The following CSMD3 variants were observed in gnomAD, a reference collection of about 807,000 sequenced individuals.
CSMD3 encodes the protein CUB and sushi domain-containing protein 3.
In CSMD3, 177 loss-of-function variants were observed where a neutral mutation model predicts 435.2. That is an observed-to-expected ratio of 0.41 (90% confidence interval 0.36 to 0.46). The LOEUF is 0.46. CSMD3 is among the 20% of genes least tolerant of loss of function. CSMD3 has a pLI of 0.34. For synonymous variants in CSMD3, 1,656 were observed against 1,520.5 expected, an observed-to-expected ratio of 1.09 and a Z score of -2.07; for missense variants, 4,265 against 4,504.6, an observed-to-expected ratio of 0.95 and a Z score of 1.52.
In CSMD3 at chr8:112,506,621, T is replaced by C. The variant is rs1227030788; in HGVS notation, c.4895+70A>G. The C allele has an allele frequency of 4.1e-6, 6 of 1,461,164 alleles. No homozygotes were observed. The Admixed American group carries it at 8.4e-5, about 20-fold the overall frequency. The allele number at this position is 1,461,164 out of a possible 1,614,324, so 90.5% of individuals were successfully genotyped here. A position where few individuals can be genotyped will look rare whatever the true frequency, so the allele number is the denominator to read the frequency against. On this transcript the variant is annotated intron_variant, in intron 29 of 70. Coordinates refer to ENST00000297405, the MANE Select transcript of CSMD3 (RefSeq NM_198123.2). ...TATACAGAAATAGGAATTAGTCTAGTACAAATGCTAAAGCAAAATGGCCTA... is the reference window on the plus strand; with the variant it reads ...TATACAGAAATAGGAATTAGTCTAGCACAAATGCTAAAGCAAAATGGCCTA...
intron 51 of CSMD3, among the ~76,000 whole-genome samples, chr8:112,305,318 C>T (rs991174809): frequency 3.3e-5 from 5 of 151,976 alleles, no homozygotes; most frequent in African/African-American, 1.2e-4. Flanking sequence ...TAAGTAGAAG[C>T]CTTATTAGAA....
chr8:112,912,414 C>T (rs1038639339), intron 10 of CSMD3, among the ~76,000 whole-genome samples: 4 of 151,564 alleles, frequency 2.6e-5, no homozygotes, highest in South Asian at 2.1e-4. Context: ...CATATCCTCA[C>T]CAATACTTAA....
chr8:112,332,214 T>C (rs1379431033), intron 45 of CSMD3, among the ~76,000 whole-genome samples: 1 of 152,136 alleles, frequency 6.6e-6, no homozygotes, highest in African/African-American at 2.4e-5. Flanking sequence ...ATACACCATA[T>C]TGTAATTAAG....
intron 2 of CSMD3, among the ~76,000 whole-genome samples, chr8:113,288,557 G>A (rs774719442): frequency 2.0e-5 from 3 of 151,714 alleles, no homozygotes; most frequent in African/African-American, 4.8e-5. Flanking sequence ...GGTTATACAT[G>A]ACTGTAATTC....
At chr8:112,587,027 A>G in intron 23 of CSMD3, 39 bp downstream of exon 23, 1 of 1,471,174 alleles carries the variant, frequency 6.8e-7, no homozygotes, top group Non-Finnish European at 9.5e-7. Context: ...TTTAATGACT[A>G]AAAATGAACA....
intron 5 of CSMD3, among the ~76,000 whole-genome samples, chr8:113,047,197 T>C (rs2131310923): frequency 6.6e-6 from 1 of 152,300 alleles, no homozygotes; most frequent in African/African-American, 2.4e-5. Flanking sequence ...CACTTACCAC[T>C]TTCTAATAGT....
intron 4 of CSMD3, among the ~76,000 whole-genome samples, chr8:113,160,227 C>A (rs2092013021): frequency 6.6e-6 from 1 of 151,746 alleles, no homozygotes; most frequent in Non-Finnish European, 1.5e-5. Context: ...AGTCATAATT[C>A]ATATTATAAT....
chr8:113,120,382 T>G (rs1448853740), intron 4 of CSMD3, among the ~76,000 whole-genome samples: 1 of 152,194 alleles, frequency 6.6e-6, no homozygotes, highest in East Asian at 1.9e-4. Flanking sequence ...AATGATAGAT[T>G]TATATGCATG....
intron 10 of CSMD3, among the ~76,000 whole-genome samples, chr8:112,881,402 T>A (rs1389635734): frequency 3.9e-5 from 6 of 152,094 alleles, no homozygotes; most frequent in African/African-American, 1.4e-4. Context: ...CAGCATTTTT[T>A]AAAGACATTA....
intron 70 of CSMD3, among the ~76,000 whole-genome samples, chr8:112,225,356 T>A (rs895712881): frequency 2.0e-5 from 3 of 152,100 alleles, no homozygotes; most frequent in Non-Finnish European, 2.9e-5. Context: ...ATCATTTTTT[T>A]AAAAAAAGAC....
chr8:112,863,059 A>AT (rs2080870729), intron 10 of CSMD3, among the ~76,000 whole-genome samples: 1 of 151,462 alleles, frequency 6.6e-6, no homozygotes, highest in Admixed American at 6.6e-5. Flanking sequence ...CCTCATTTCA[A>AT]TTTTTTCTTG....
chr8:113,379,754 A>G (rs1018472162), intron 1 of CSMD3, among the ~76,000 whole-genome samples: 3 of 152,168 alleles, frequency 2.0e-5, no homozygotes, highest in Non-Finnish European at 2.9e-5. Context: ...CAAAGTTGAG[A>G]TTTATTTTAT....
In CSMD3 at chr8:112,703,042, A is replaced by G. The variant is rs188641257; in HGVS notation, c.1973-12992T>C. ...TTGAAATATCAATTAAACACACAAA[A>G]AATTTAGCTAGCATCCTACTGGTAC... On this transcript the variant is annotated intron_variant, in intron 13 of 70. Transcript: ENST00000297405. Among the ~76,000 whole-genome samples the G allele has an allele frequency of 1.1e-3, 170 of 152,294 alleles. 1 individual carries two copies. Among genetic ancestry groups the G allele is most frequent in the Non-Finnish European group, 1.8e-3 (122 of 68,026 alleles).
At chr8:113,041,942 T>G (rs1263227642) in intron 5 of CSMD3, among the ~76,000 whole-genome samples, 1 of 152,198 alleles carries the variant, frequency 6.6e-6, no homozygotes, top group East Asian at 1.9e-4. Context: ...CAGTACCATT[T>G]GAAATACTCT....
At chr8:112,506,978 T>G in intron 28 of CSMD3, 149 bp from the exon 29 acceptor site, 1 of 698,012 alleles carries the variant, frequency 1.4e-6, no homozygotes, top group Non-Finnish European at 2.5e-6. Context: ...TACAGCATTA[T>G]GTTTCAAGAA....
chr8:113,376,730 A>C, intron 1 of CSMD3: 1 of 1,613,918 alleles, frequency 6.2e-7, no homozygotes, highest in Non-Finnish European at 8.5e-7. Flanking sequence ...AAGAGCCAGG[A>C]TATCTACCTG....
At chr8:113,212,112 A>G (rs934776267) in intron 3 of CSMD3, among the ~76,000 whole-genome samples, 2 of 152,178 alleles carry the variant, frequency 1.3e-5, no homozygotes, top group Admixed American at 1.3e-4. Flanking sequence ...CCAATATTTA[A>G]AAGTTTATGG....
chr8:113,081,599 CGCCTTCT>C (rs1564291020), intron 5 of CSMD3, among the ~76,000 whole-genome samples: 1 of 152,062 alleles, frequency 6.6e-6, no homozygotes, highest in African/African-American at 2.4e-5. Context: ...GGGTCTCTCC[CGCCTTCT>C]AGGACCCAAG....
intron 13 of CSMD3, among the ~76,000 whole-genome samples, chr8:112,782,218 TAA>T (rs144840063): frequency 1.3e-5 from 2 of 151,102 alleles, no homozygotes; most frequent in East Asian, 2.0e-4. Context: ...TCCTACCAAA[TAA>T]AAAAAAATTA....
Sources: gnomAD v4.1 joint callset for allele counts (sites outside exome capture counted in the v4.1 genomes callset) on GRCh38, gnomAD v4.1.1 for gene constraint, MANE v1.5 for transcripts, NCBI Gene and HGNC (gene_info 2026-07-23, HGNC 2026-07-21) for gene names.